GRAMD1B: variants seen among roughly 807,000 people sequenced by gnomAD.
The protein encoded by GRAMD1B is protein Aster-B.
In GRAMD1B, 37 loss-of-function variants were observed where a neutral mutation model predicts 99.7. The ratio of observed to expected loss-of-function variants is 0.37; its 90% CI spans 0.29 to 0.49. The LOEUF (loss-of-function observed/expected upper bound fraction) is 0.49, where lower values mean the gene tolerates loss of function less well. GRAMD1B is among the 20% of genes least tolerant of loss of function. The pLI is 0.98. For synonymous variants in GRAMD1B, 427 were observed against 387.6 expected, an observed-to-expected ratio of 1.10 and a Z score of -1.19; for missense variants, 888 against 1,009.2, an observed-to-expected ratio of 0.88 and a Z score of 1.63.
At chr11:123,542,232 A>G (rs537223052) in intron 2 of GRAMD1B, among the ~76,000 whole-genome samples, 2 of 152,334 alleles carry the variant, frequency 1.3e-5, no homozygotes, top group South Asian at 4.1e-4. Flanking sequence ...GAATGCATGG[A>G]TGGTGGCATG....
chr11:123,567,124 TAGAGTA>T (rs138139340), intron 2 of GRAMD1B, among the ~76,000 whole-genome samples: 3,935 of 152,254 alleles, frequency 0.026, 68 homozygotes, highest in East Asian at 0.091. Flanking sequence ...TTCAAAATGT[TAGAGTA>T]AGAGTTCCAG....
intron 2 of GRAMD1B, among the ~76,000 whole-genome samples, chr11:123,523,288 C>T (rs1306753955): frequency 6.6e-6 from 1 of 152,144 alleles, no homozygotes; most frequent in Non-Finnish European, 1.5e-5. Flanking sequence ...GCTGAGATTG[C>T]ACCACGGCAC....
chr11:123,399,459 A>T (rs1947579816), intron 1 of GRAMD1B, among the ~76,000 whole-genome samples: 1 of 152,160 alleles, frequency 6.6e-6, no homozygotes, highest in Non-Finnish European at 1.5e-5. Context: ...CGGAAGTGGG[A>T]TTGCTGGATC....
chr11:123,474,718 C>T (rs558512903), intron 1 of GRAMD1B, among the ~76,000 whole-genome samples: 9 of 48,400 alleles, frequency 1.9e-4, no homozygotes, highest in Non-Finnish European at 3.0e-4. Flanking sequence ...TATATTTCCC[C>T]ATTTTTATTA....
chr11:123,459,943 T>G (rs1414829968), intron 1 of GRAMD1B: 1 of 152,244 alleles, frequency 6.6e-6, no homozygotes, highest in Admixed American at 6.5e-5. Flanking sequence ...AGCATCAACA[T>G]CCTTTTTATG....
chr11:123,400,731 G>A (rs1305873712), intron 1 of GRAMD1B, among the ~76,000 whole-genome samples: 3 of 152,030 alleles, frequency 2.0e-5, no homozygotes, highest in East Asian at 1.9e-4. Context: ...TAATTCCATC[G>A]TACTGGGGGT....
intron 1 of GRAMD1B, among the ~76,000 whole-genome samples, chr11:123,419,077 A>G (rs1322755635): frequency 6.6e-6 from 1 of 152,212 alleles, no homozygotes; most frequent in Non-Finnish European, 1.5e-5. Context: ...GCTAGTGAAG[A>G]TTGATTAATA....
chr11:123,563,020 A>G (rs1409169661), intron 2 of GRAMD1B, among the ~76,000 whole-genome samples: 3 of 152,244 alleles, frequency 2.0e-5, no homozygotes, highest in Non-Finnish European at 2.9e-5. Context: ...TTCACAGTTA[A>G]GAAAGTTGAG....
At chr11:123,472,729 CA>C (rs1951077567) in intron 1 of GRAMD1B, among the ~76,000 whole-genome samples, 1 of 152,108 alleles carries the variant, frequency 6.6e-6, no homozygotes, top group South Asian at 2.1e-4. Flanking sequence ...TTACATAGCC[CA>C]GGGGGAAGGC....
chr11:123,477,210 C>T (rs1240331065), intron 1 of GRAMD1B, among the ~76,000 whole-genome samples: 1,201 of 18,964 alleles, frequency 0.063, 41 homozygotes, highest in African/African-American at 0.22. Flanking sequence ...TGCCTCCCCT[C>T]CCCCCTCCCC....
Position 123,622,669 on chromosome 11 carries a change from A to AT in GRAMD1B, c.*74_*75insT. 4 of 335,414 alleles carry AT rather than the reference A, an allele frequency of 1.2e-5. No individual in the cohort carries two copies. Among genetic ancestry groups the AT allele is most frequent in the South Asian group, 1.2e-4 (2 of 16,508 alleles). The allele number at this position is 335,414 out of a possible 1,614,324, so 20.8% of individuals were successfully genotyped here. A position where few individuals can be genotyped will look rare whatever the true frequency, so the allele number is the denominator to read the frequency against. On this transcript the variant is annotated 3_prime_UTR_variant, in exon 20 of 20. Coordinates refer to ENST00000635736, the MANE Select transcript of GRAMD1B (RefSeq NM_001387025.1). ...TAGACCATATAAATATATATATATA[A>AT]ATATATATATATACAGAATATAAAT...
At chr11:123,473,321 C>T (rs888033872) in intron 1 of GRAMD1B, among the ~76,000 whole-genome samples, 29 of 152,200 alleles carry the variant, frequency 1.9e-4, no homozygotes, top group African/African-American at 6.3e-4. Context: ...ACCTCGGCCT[C>T]CCAAAGTGCT....
Position 123,610,027 on chromosome 11 carries a change from C to A in GRAMD1B, c.1776+114C>A. The A allele has an allele frequency of 1.2e-6, 1 of 848,344 alleles. No individual in the cohort carries two copies. The highest frequency in any genetic ancestry group is 1.9e-6 in the Non-Finnish European group (1 of 519,988). The allele number at this position is 848,344 out of a possible 1,614,324, so 52.6% of individuals were successfully genotyped here. On this transcript the variant is annotated intron_variant, in intron 13 of 19. Coordinates refer to ENST00000635736, the MANE Select transcript of GRAMD1B (RefSeq NM_001387025.1). The surrounding 1 kb of genome is among the most constrained non-coding windows in gnomAD (Gnocchi z 4.1). The stretch of plus-strand genomic sequence containing the variant: ...TTCAGGGCGCAAGTGTCATTTTGCC[C>A]CAAAGCGGTGGTGGCGTCTTGCTTG...
chr11:123,617,769 C>T (rs1954624213), intron 17 of GRAMD1B, among the ~76,000 whole-genome samples: 2 of 152,184 alleles, frequency 1.3e-5, no homozygotes, highest in South Asian at 4.1e-4. Flanking sequence ...ATGATGTCTT[C>T]ATCTCTTCAT....
chr11:123,451,200 G>A (rs1034661180), intron 1 of GRAMD1B, among the ~76,000 whole-genome samples: 12 of 152,148 alleles, frequency 7.9e-5, no homozygotes, highest in African/African-American at 2.9e-4. Flanking sequence ...GCTCTCCCAC[G>A]GAAGGGACAG....
Position 123,577,471 on chromosome 11 carries a change from A to G in GRAMD1B, c.557A>G (p.Glu186Gly). 1.9e-6 allele frequency: 3 copies of G among 1,604,014 alleles called. No individual in the cohort carries two copies. The African/African-American group carries it at 4.0e-5, about 21-fold the overall frequency. ...AACCAGGACGGAGACACCATGGTGG[A>G]GAAGGGCTCAGATCACTCCTCGGAC... Reference protein sequence around the residue: ...PQNQDGDTMVEKGSDHSSDKS... With the variant: ...PQNQDGDTMVGKGSDHSSDKS... The change falls in exon 3 of 20, where the codon GAG becomes GGG. Residue 186 changes from glutamate to glycine, a missense_variant. Around this residue, in one of 5 missense-constraint regions of GRAMD1B, gnomAD observed 233 missense variants for 154.6 expected, o/e 1.51. Coordinates refer to ENST00000635736, the MANE Select transcript of GRAMD1B (RefSeq NM_001387025.1).
At chr11:123,565,562 G>T (rs1239139172) in intron 2 of GRAMD1B, among the ~76,000 whole-genome samples, 1 of 152,254 alleles carries the variant, frequency 6.6e-6, no homozygotes, top group African/African-American at 2.4e-5. Context: ...GGTTTGGACA[G>T]ATAATGATCG....
chr11:123,397,966 T>C (rs924931146), intron 1 of GRAMD1B, among the ~76,000 whole-genome samples: 4 of 152,236 alleles, frequency 2.6e-5, no homozygotes, highest in Admixed American at 2.0e-4. Context: ...GGGTATACCA[T>C]AATTTATCTA....
intron 2 of GRAMD1B, among the ~76,000 whole-genome samples, chr11:123,502,774 C>CAA (rs34321315): frequency 0.018 from 1,751 of 98,396 alleles, 47 homozygotes; most frequent in African/African-American, 0.06. Flanking sequence ...GACTCCATCT[C>CAA]AAAAAAAAAA....
Sources: allele counts gnomAD v4.1 joint callset (sites outside exome capture counted in the v4.1 genomes callset), GRCh38; gene constraint gnomAD v4.1.1; regional missense constraint gnomAD v4.1.1; non-coding constraint Gnocchi (gnomAD v3.1); transcripts MANE v1.5; gene names NCBI Gene and HGNC (gene_info 2026-07-23, HGNC 2026-07-21).